UBE2E3: variants seen among roughly 807,000 people sequenced by gnomAD.
The protein encoded by UBE2E3 is ubiquitin-conjugating enzyme E2 E3.
A neutral mutation model predicts 23.6 loss-of-function variants in UBE2E3; 5 were observed. The ratio of observed to expected loss-of-function variants is 0.21; its 90% CI spans 0.11 to 0.44. The LOEUF is 0.44. Among genes scored for constraint, UBE2E3 ranks in the 20% least tolerant of loss-of-function variants. The pLI is 0.99. For missense variants in UBE2E3, 81 were observed against 249.8 expected, an observed-to-expected ratio of 0.32 and a Z score of 4.55; for synonymous variants, 78 against 87.5, an observed-to-expected ratio of 0.89 and a Z score of 0.60.
At chr2:181,050,298 T>G (rs150893147) in intron 3 of UBE2E3, among the ~76,000 whole-genome samples, 1 of 151,964 alleles carries the variant, frequency 6.6e-6, no homozygotes, top group Admixed American at 6.6e-5. Flanking sequence ...TTTCTTCAAC[T>G]CTTTCAAAAC....
intron 3 of UBE2E3, among the ~76,000 whole-genome samples, chr2:180,987,598 T>C (rs1265938447): frequency 6.6e-6 from 1 of 152,146 alleles, no homozygotes; most frequent in Non-Finnish European, 1.5e-5. Flanking sequence ...AGTATTAATA[T>C]ATTGACTAGC....
chr2:181,053,498 A>G (rs762992286), intron 3 of UBE2E3, among the ~76,000 whole-genome samples: 4 of 151,826 alleles, frequency 2.6e-5, no homozygotes, highest in East Asian at 1.9e-4. Flanking sequence ...ATTTTAATAT[A>G]TAAATATTTG....
intron 3 of UBE2E3, among the ~76,000 whole-genome samples, chr2:181,005,889 G>C (rs1685134988): frequency 6.6e-6 from 1 of 152,190 alleles, no homozygotes; most frequent in African/African-American, 2.4e-5. Context: ...AGGTTTATGT[G>C]TTGGTTAAAG....
intron 3 of UBE2E3, among the ~76,000 whole-genome samples, chr2:181,036,879 A>G (rs879805452): frequency 9.9e-5 from 15 of 152,228 alleles, no homozygotes; most frequent in Admixed American, 7.9e-4. Context: ...GTTTATGTCA[A>G]TTAGCCTGTG....
chr2:181,059,035 A>G (rs918413819), intron 4 of UBE2E3, among the ~76,000 whole-genome samples: 10 of 151,770 alleles, frequency 6.6e-5, no homozygotes, highest in Non-Finnish European at 8.8e-5. Context: ...CACACTATAT[A>G]GTACTGTATA....
At chr2:181,043,413 A>G (rs1343570362) in intron 3 of UBE2E3, among the ~76,000 whole-genome samples, 2 of 152,188 alleles carry the variant, frequency 1.3e-5, no homozygotes, top group Non-Finnish European at 2.9e-5. Context: ...GCACAAAATT[A>G]TTTAAAATAT....
Position 181,044,012 on chromosome 2 carries a change from T to C in UBE2E3, c.246-13681T>C, listed in dbSNP as rs1413223196. On this transcript the variant is annotated intron_variant, in intron 3 of 5. Transcript: ENST00000410062. ...CTTTTATTCACGTCTCTGTTTTTTGTCCTAGGATAGCTTCTTGGATGTGGG... is the reference window on the plus strand; with the variant it reads ...CTTTTATTCACGTCTCTGTTTTTTGCCCTAGGATAGCTTCTTGGATGTGGG... 2.0e-5 allele frequency among the ~76,000 whole-genome samples: 3 copies of C among 152,154 alleles called. No individual in the cohort carries two copies. The East Asian group carries it at 5.8e-4, about 29-fold the overall frequency.
intron 1 of UBE2E3, among the ~76,000 whole-genome samples, chr2:180,981,785 A>C (rs1302867944): frequency 6.6e-6 from 1 of 152,208 alleles, no homozygotes; most frequent in East Asian, 1.9e-4. Context: ...TGTCCAAGAG[A>C]CGGAAAAAAA....
chr2:180,990,797 TACAC>T (rs540811418), intron 3 of UBE2E3, among the ~76,000 whole-genome samples: 22 of 152,338 alleles, frequency 1.4e-4, no homozygotes, highest in South Asian at 4.1e-4. Context: ...GACATTGAAT[TACAC>T]ACAGGTTAGA....
chr2:181,053,701 C>G (rs1409589682), intron 3 of UBE2E3, among the ~76,000 whole-genome samples: 2 of 151,794 alleles, frequency 1.3e-5, no homozygotes, highest in African/African-American at 2.4e-5. Flanking sequence ...ATTAACACAT[C>G]ATTATCATGC....
chr2:181,042,152 A>G (rs1686531201), intron 3 of UBE2E3, among the ~76,000 whole-genome samples: 1 of 152,198 alleles, frequency 6.6e-6, no homozygotes, highest in African/African-American at 2.4e-5. Context: ...TCTTAAGTCT[A>G]CCCTATCCCC....
intron 3 of UBE2E3, among the ~76,000 whole-genome samples, chr2:181,004,234 C>G (rs1006551670): frequency 1.5e-4 from 23 of 152,218 alleles, no homozygotes; most frequent in African/African-American, 5.5e-4. Context: ...AGAGTTGAAA[C>G]CAATGGTGCA....
At chr2:181,048,161 C>CT (rs1686725987) in intron 3 of UBE2E3, among the ~76,000 whole-genome samples, 1 of 152,128 alleles carries the variant, frequency 6.6e-6, no homozygotes, top group South Asian at 2.1e-4. Context: ...CCTTATCTCT[C>CT]TAACATTTCC....
chr2:181,024,922 C>G (rs1685832050), intron 3 of UBE2E3, among the ~76,000 whole-genome samples: 1 of 151,934 alleles, frequency 6.6e-6, no homozygotes, highest in Non-Finnish European at 1.5e-5. Flanking sequence ...TACTATACTG[C>G]TTCACATCAG....
In UBE2E3 at chr2:181,016,957, C is replaced by T. The variant is rs11904707; in HGVS notation, c.245+32864C>T. ...GTTAGAAGCCAGAGCCTGGAAATGC[C>T]ATAACTGTTCTAAGAATTGTGCTTG... On this transcript the variant is annotated intron_variant, in intron 3 of 5. Coordinates refer to ENST00000410062, the MANE Select transcript of UBE2E3 (RefSeq NM_006357.4). 4.0e-3 allele frequency among the ~76,000 whole-genome samples: 604 copies of T among 152,266 alleles called. 3 individuals are homozygous for T. Among genetic ancestry groups the T allele is most frequent in the African/African-American group, 0.014 (570 of 41,542 alleles).
chr2:181,051,475 T>C (rs1428297496), intron 3 of UBE2E3, among the ~76,000 whole-genome samples: 1 of 151,876 alleles, frequency 6.6e-6, no homozygotes, highest in Non-Finnish European at 1.5e-5. Context: ...TGTAATGAAC[T>C]GATTTATAAT....
chr2:181,036,453 A>G (rs539220581), intron 3 of UBE2E3, among the ~76,000 whole-genome samples: 10 of 152,330 alleles, frequency 6.6e-5, no homozygotes, highest in Non-Finnish European at 1.2e-4. Context: ...GGCAGGGGCC[A>G]TTGTGTGGAG....
chr2:181,012,383 G>C (rs889913024), intron 3 of UBE2E3, among the ~76,000 whole-genome samples: 1 of 152,080 alleles, frequency 6.6e-6, no homozygotes, highest in Non-Finnish European at 1.5e-5. Context: ...TTATTTTCTA[G>C]ATAGTTTGCT....
In UBE2E3 at chr2:181,042,824, A is replaced by G. The variant is rs559692984; in HGVS notation, c.246-14869A>G. Among the ~76,000 whole-genome samples the G allele has an allele frequency of 1.3e-3, 202 of 152,354 alleles. 4 individuals carry two copies. The highest frequency in any genetic ancestry group is 0.01 in the Middle Eastern group (3 of 294). ...AATAGTAGGAGCTGTCAGCTTCACT[A>G]TAACCCCAAAGGCAGGTGCCATCAC... On this transcript the variant is annotated intron_variant, in intron 3 of 5. Transcript: ENST00000410062.
Sources: allele counts gnomAD v4.1 joint callset (sites outside exome capture counted in the v4.1 genomes callset), GRCh38; gene constraint gnomAD v4.1.1; transcripts MANE v1.5; gene names NCBI Gene and HGNC (gene_info 2026-07-23, HGNC 2026-07-21).